The following PPP5C variants were observed in gnomAD, a reference collection of about 807,000 sequenced individuals.
PPP5C encodes the protein protein phosphatase 5 catalytic subunit.
Under a neutral mutation model 66.7 loss-of-function variants are expected in PPP5C, and 21 were observed. The observed-to-expected ratio is 0.31, with a 90% CI of 0.22 to 0.45. The LOEUF is 0.45. Among genes scored for constraint, PPP5C ranks in the 20% least tolerant of loss-of-function variants. The probability of loss-of-function intolerance (pLI) is 1.00; values close to 1 mark genes in which losing one functional copy is unlikely to be tolerated. For missense variants in PPP5C, 464 were observed against 675.9 expected (o/e 0.69, Z 3.48); for synonymous variants, 246 against 257.4 (o/e 0.96, Z 0.43).
chr19:46,347,278 C>T (rs996022340), intron 1 of PPP5C, 61 bp downstream of exon 1: 1 of 1,521,980 alleles, frequency 6.6e-7, no homozygotes, highest in Non-Finnish European at 8.8e-7. Context: ...CGGGCCCGCG[C>T]GGAACCATAG....
intron 1 of PPP5C, 31 bp from the exon 2 acceptor site, chr19:46,353,717 C>T (rs1972232940): frequency 2.5e-6 from 4 of 1,613,134 alleles, no homozygotes; most frequent in South Asian, 1.1e-5. Flanking sequence ...GGTTGGAGCA[C>T]TGCCTCATGC....
At position 46,383,432 on chromosome 19, in the gene PPP5C, G is replaced by A. The variant is rs762514080; in HGVS notation, c.655G>A (p.Val219Ile). Residue 219 changes from valine to isoleucine, a missense_variant, in exon 5 of 13, where the codon GTC (valine) becomes ATC (isoleucine). Physicochemically the swap from Val to Ile is conservative, Grantham distance 29. Coordinates refer to ENST00000012443, the MANE Select transcript of PPP5C (RefSeq NM_006247.4). This position sits in a 1 kb window ranked among gnomAD's most constrained non-coding sequence, Gnocchi z 5.0. Reference protein sequence around the residue: ...AYQILVQVKEVLSKLSTLVET... With the variant: ...AYQILVQVKEILSKLSTLVET... ...CCAGATTCTGGTACAGGTCAAAGAG[G>A]TCCTCTCCAAGCTGAGCACGCTCGT... is the stretch of plus-strand genomic sequence containing the variant. 43 of 1,612,262 alleles carry A rather than the reference G, an allele frequency of 2.7e-5. No homozygotes were observed. In the South Asian group the frequency reaches 4.5e-4, roughly 17 times the overall value.
At chr19:46,382,514 C>T (rs1972810338) in intron 4 of PPP5C, 1 of 152,320 alleles carries the variant, frequency 6.6e-6, no homozygotes, top group Non-Finnish European at 1.5e-5. Context: ...AATCGTCAGA[C>T]CTACAGAGAG....
Position 46,375,637 on chromosome 19 carries a change from A to G in PPP5C, c.397A>G (p.Lys133Glu). ...GGTGAAGCCCCATGACAAGGATGCC[A>G]AAATGAAATACCAGGAGTGCAACAA... ...VKVKPHDKDA[K>E]MKYQECNKIV... is the part of the protein sequence containing the mutation. The change falls in exon 3 of 13, where the codon AAA becomes GAA. Residue 133 changes from lysine to glutamate, a missense_variant. Around this residue, in one of 2 missense-constraint regions of PPP5C, gnomAD observed 387 missense variants for 626.0 expected, o/e 0.62. Coordinates refer to ENST00000012443, the MANE Select transcript of PPP5C (RefSeq NM_006247.4). The G allele has an allele frequency of 6.2e-7, 1 of 1,614,086 alleles. No individual in the cohort carries two copies. The highest frequency in any genetic ancestry group is 1.7e-5 in the Admixed American group (1 of 60,016).
chr19:46,389,434 C>T lies in PPP5C; in HGVS notation c.1356-617C>T, dbSNP rs1198734182. Among the ~76,000 whole-genome samples, 9 of 86,496 alleles carry T rather than the reference C, an allele frequency of 1.0e-4. 1 individual carries two copies. The highest frequency in any genetic ancestry group is 1.7e-4 in the Non-Finnish European group (7 of 41,044). The allele number at this position is 86,496 out of a possible 152,430, so 56.7% of individuals were successfully genotyped here. On this transcript the variant is annotated intron_variant, in intron 11 of 12. Coordinates refer to ENST00000012443, the MANE Select transcript of PPP5C (RefSeq NM_006247.4). ...ACACACACACACACACACACACACA[C>T]ACACACACACACACACACACACACA...
intron 11 of PPP5C, 28 bp from the exon 12 acceptor site, chr19:46,390,023 A>G (rs1175544610): frequency 1.2e-6 from 2 of 1,608,852 alleles, no homozygotes; most frequent in Non-Finnish European, 1.7e-6. Flanking sequence ...CCCTGACCAC[A>G]CTGTCCACTC....
At chr19:46,371,614 C>T (rs1972594483) in intron 2 of PPP5C, among the ~76,000 whole-genome samples, 1 of 152,210 alleles carries the variant, frequency 6.6e-6, no homozygotes, top group Non-Finnish European at 1.5e-5. Context: ...TTTCTCGGCA[C>T]AGCACTCACC....
rs189345100 is a variant in PPP5C, at chr19:46,382,814, C to T, written c.634-597C>T. 147 of 1,034,002 alleles carry T rather than the reference C, an allele frequency of 1.4e-4. No individual in the cohort carries two copies. In the African/African-American group the frequency reaches 2.3e-3, roughly 16 times the overall value. The allele number at this position is 1,034,002 out of a possible 1,614,324, so 64.1% of individuals were successfully genotyped here. Reference sequence around the variant, plus strand: ...TAAGGTAGACAGTCCACAGGCCATCCGGAAAATCTGGAAACATTGACAAAT... The same window carrying T: ...TAAGGTAGACAGTCCACAGGCCATCTGGAAAATCTGGAAACATTGACAAAT... On this transcript the variant is annotated intron_variant, in intron 4 of 12. Coordinates refer to ENST00000012443, the MANE Select transcript of PPP5C (RefSeq NM_006247.4).
chr19:46,353,786 G>A lies in PPP5C; in HGVS notation c.160G>A (p.Ala54Thr). Reference sequence around the variant, plus strand: ...GAACGCCATCAAGTTCTACAGCCAGGCCATCGAGCTGAACCCCAGCAATGC... The same window carrying A: ...GAACGCCATCAAGTTCTACAGCCAGACCATCGAGCTGAACCCCAGCAATGC... ...YENAIKFYSQ[A>T]IELNPSNAIY... Residue 54 changes from alanine to threonine, a missense_variant, in exon 2 of 13, where the codon GCC becomes ACC. This residue lies in a region of PPP5C where 387 missense variants were observed against 626.0 expected (regional missense o/e 0.62). Transcript: ENST00000012443. 1 of 1,614,142 alleles carries A rather than the reference G, an allele frequency of 6.2e-7. No homozygotes were observed. The highest frequency in any genetic ancestry group is 8.5e-7 in the Non-Finnish European group (1 of 1,180,026).
In PPP5C at chr19:46,388,164, A is replaced by C. The variant is rs984960327; in HGVS notation, c.1136-244A>C. 1 of 500,846 alleles carries C rather than the reference A, an allele frequency of 2.0e-6. No individual in the cohort carries two copies. The highest frequency in any genetic ancestry group is 3.7e-5 in the South Asian group (1 of 27,130). 31.0% of individuals were successfully genotyped at this position (500,846 alleles called of 1,614,324 possible). A position where few individuals can be genotyped will look rare whatever the true frequency, so the allele number is the denominator to read the frequency against. ...TCTGAATAGTGACATTGAAAGCTCT[A>C]TCTGGCTTCGGGGCCACAGGGGATT... is the stretch of plus-strand genomic sequence containing the variant. On this transcript the variant is annotated intron_variant, in intron 9 of 12. Coordinates refer to ENST00000012443, the MANE Select transcript of PPP5C (RefSeq NM_006247.4). The surrounding 1 kb of genome is among the most constrained non-coding windows in gnomAD (Gnocchi z 4.9).
rs770020091 is a variant in PPP5C, at chr19:46,390,126, A to G, written c.1431A>G (p.Thr477=). 6.2e-7 allele frequency: 1 copy of G among 1,613,882 alleles called. No individual in the cohort carries two copies. Among genetic ancestry groups the G allele is most frequent in the South Asian group, 1.1e-5 (1 of 91,078 alleles). Residue 477 remains threonine (T), a synonymous_variant, in exon 12 of 13, where the codon ACA becomes ACG. Transcript: ENST00000012443. ...TACGGCCTCAGTTCCACCAGTTCAC[A>G]GCAGTGGTGAGTCACCCCTCAGGGC... ...SDLRPQFHQF[T]AVPHPNVKPM...
rs1972927682 is a variant in PPP5C, at chr19:46,388,328, GC to G, written c.1136-78del. 8 of 1,463,006 alleles carry G rather than the reference GC, an allele frequency of 5.5e-6. No individual in the cohort carries two copies. The highest frequency in any genetic ancestry group is 7.4e-6 in the Non-Finnish European group (8 of 1,081,136). The allele number at this position is 1,463,006 out of a possible 1,614,324, so 90.6% of individuals were successfully genotyped here. A position where few individuals can be genotyped will look rare whatever the true frequency, so the allele number is the denominator to read the frequency against. On this transcript the variant is annotated intron_variant, in intron 9 of 12. Coordinates refer to ENST00000012443, the MANE Select transcript of PPP5C (RefSeq NM_006247.4). The surrounding 1 kb of genome is among the most constrained non-coding windows in gnomAD (Gnocchi z 4.9). ...GGCTGGGCTGTGGGGTCAGCACCTGGCCGGGCCAGGAGGTGGCCTGTGAGTG... is the reference window on the plus strand; with the variant it reads ...GGCTGGGCTGTGGGGTCAGCACCTGGCGGGCCAGGAGGTGGCCTGTGAGTG...
rs529641752 is a variant in PPP5C, at chr19:46,354,109, G to T, written c.363+120G>T. 1.2e-5 allele frequency: 17 copies of T among 1,407,206 alleles called. No individual in the cohort carries two copies. In the East Asian group the frequency reaches 4.2e-4, roughly 35 times the overall value. The allele number at this position is 1,407,206 out of a possible 1,614,324, so 87.2% of individuals were successfully genotyped here. On this transcript the variant is annotated intron_variant, in intron 2 of 12. Coordinates refer to ENST00000012443, the MANE Select transcript of PPP5C (RefSeq NM_006247.4). ...TACTTACCACTCAGCCAGCCAGCAA[G>T]TGCCTGTGGGGCCTTGGGCCCAGGC...
chr19:46,369,240 G>C (rs892808313), intron 2 of PPP5C, among the ~76,000 whole-genome samples: 2 of 152,208 alleles, frequency 1.3e-5, no homozygotes, highest in Non-Finnish European at 2.9e-5. Flanking sequence ...AGGTTATGTG[G>C]CATGGCCGAG....
In PPP5C at chr19:46,390,584, A is replaced by C; in HGVS notation, c.*238A>C. 7.2e-7 allele frequency: 1 copy of C among 1,386,600 alleles called. No homozygotes were observed. Among genetic ancestry groups the C allele is most frequent in the Non-Finnish European group, 9.4e-7 (1 of 1,067,322 alleles). The allele number at this position is 1,386,600 out of a possible 1,614,324, so 85.9% of individuals were successfully genotyped here. A position where few individuals can be genotyped will look rare whatever the true frequency, so the allele number is the denominator to read the frequency against. ...AGGTGGAGCAGCTGGGGCTGGGGGC[A>C]CAGCCTGGGCATTCTGTGGGGAGGC... On this transcript the variant is annotated 3_prime_UTR_variant, in exon 13 of 13. Coordinates refer to ENST00000012443, the MANE Select transcript of PPP5C (RefSeq NM_006247.4).
At position 46,351,246 on chromosome 19, in the gene PPP5C, GT is replaced by G. The variant is rs1402926432; in HGVS notation, c.122-2499del. 2.6e-5 allele frequency among the ~76,000 whole-genome samples: 4 copies of G among 152,122 alleles called. No homozygotes were observed. In the East Asian group the frequency reaches 7.7e-4, roughly 29 times the overall value. On this transcript the variant is annotated intron_variant, in intron 1 of 12. Coordinates refer to ENST00000012443, the MANE Select transcript of PPP5C (RefSeq NM_006247.4). ...AATGACTTAACTTCTCTGGGCCTCT[GT>G]TTCCTTGCATCTAAAATGGGGAATG...
At chr19:46,372,499 C>T (rs1193534450) in intron 2 of PPP5C, among the ~76,000 whole-genome samples, 2 of 152,176 alleles carry the variant, frequency 1.3e-5, no homozygotes, top group African/African-American at 4.8e-5. Flanking sequence ...AGGTGTGAGC[C>T]ACCACACCCG....
At chr19:46,353,343 T>A (rs1972223890) in intron 1 of PPP5C, among the ~76,000 whole-genome samples, 1 of 152,058 alleles carries the variant, frequency 6.6e-6, no homozygotes, top group Non-Finnish European at 1.5e-5. Flanking sequence ...GGCCCAGGGA[T>A]CTGTCCCACC....
intron 2 of PPP5C, among the ~76,000 whole-genome samples, chr19:46,366,563 C>T (rs1463384982): frequency 6.6e-6 from 1 of 152,048 alleles, no homozygotes; most frequent in Non-Finnish European, 1.5e-5. Flanking sequence ...CCAGGCTGAT[C>T]TCGAACTCCT....
Sources: gnomAD v4.1 joint callset for allele counts (sites outside exome capture counted in the v4.1 genomes callset) on GRCh38, gnomAD v4.1.1 for gene constraint, gnomAD v4.1.1 regional missense constraint, Gnocchi (gnomAD v3.1) non-coding constraint, MANE v1.5 for transcripts, NCBI Gene and HGNC (gene_info 2026-07-23, HGNC 2026-07-21) for gene names.